The following LRRC9 variants were observed in gnomAD, a reference collection of about 807,000 sequenced individuals.
The protein encoded by LRRC9 is leucine rich repeat containing 9.
A neutral mutation model predicts 63.2 loss-of-function variants in LRRC9; 122 were observed. The ratio of observed to expected loss-of-function variants is 1.93; its 90% confidence interval spans 1.67 to 2.24. LRRC9 has a LOEUF of 2.24. Among genes scored for constraint, LRRC9 ranks in the 30% most tolerant of loss-of-function variants. The pLI, the probability that LRRC9 is intolerant of heterozygous loss-of-function variation, is 0.00. For synonymous variants in LRRC9, 366 were observed against 213.1 expected (o/e 1.72, Z -6.25); for missense variants, 1,071 against 627.7 (o/e 1.71, Z -7.55).
At chr14:59,920,801 GA>G (rs1431364544) in intron 1 of LRRC9, among the ~76,000 whole-genome samples, 1 of 152,202 alleles carries the variant, frequency 6.6e-6, no homozygotes, top group African/African-American at 2.4e-5. Context: ...TCTGGTCATG[GA>G]GAACGATTAT....
intron 12 of LRRC9, among the ~76,000 whole-genome samples, chr14:59,968,916 C>A (rs149592365): frequency 1.3e-5 from 2 of 151,960 alleles, no homozygotes; most frequent in African/African-American, 4.8e-5. Flanking sequence ...GTGGCTAGTC[C>A]AAATTGAGTA....
At chr14:59,980,478 C>A (rs748439565) in intron 15 of LRRC9, among the ~76,000 whole-genome samples, 1 of 152,098 alleles carries the variant, frequency 6.6e-6, no homozygotes, top group Non-Finnish European at 1.5e-5. Flanking sequence ...TATTCTTAAA[C>A]AGTATCTTTT....
chr14:60,006,468 A>G, exon 22 of LRRC9: 1 of 701,980 alleles, frequency 1.4e-6, no homozygotes, highest in African/African-American at 1.7e-5. Flanking sequence ...GGAAGAGCAT[A>G]CCTTTGATAA....
At chr14:59,940,639 A>G (rs1284598305) in intron 7 of LRRC9, among the ~76,000 whole-genome samples, 1 of 152,110 alleles carries the variant, frequency 6.6e-6, no homozygotes, top group Non-Finnish European at 1.5e-5. Flanking sequence ...TGAAAATAGT[A>G]TCTGCTTTTC....
chr14:60,018,557 C>T (rs1890876661), intron 25 of LRRC9, 78 bp downstream of exon 25: 4 of 569,830 alleles, frequency 7.0e-6, no homozygotes, highest in Non-Finnish European at 9.4e-6. Flanking sequence ...AATGGTATTT[C>T]CATGTTATTA....
chr14:60,001,199 T>C (rs1889329214), intron 19 of LRRC9, among the ~76,000 whole-genome samples: 1 of 152,106 alleles, frequency 6.6e-6, no homozygotes, highest in Non-Finnish European at 1.5e-5. Context: ...TGTGTGTGTG[T>C]GTGTGTGTGT....
In LRRC9 at chr14:60,001,762, A is replaced by T. The variant is rs149878521; in HGVS notation, c.2530-204A>T. On this transcript the variant is annotated intron_variant, in intron 19 of 31. Transcript: ENST00000445360. ...TACAGTCTTATAAATATTATCTTGT[A>T]ATGGTTCCACATTTGCTAAAACAAG... 7.1e-3 allele frequency among the ~76,000 whole-genome samples: 1,080 copies of T among 152,312 alleles called. 9 individuals are homozygous for T. Among genetic ancestry groups the T allele is most frequent in the African/African-American group, 0.024 (1,013 of 41,566 alleles).
intron 1 of LRRC9, among the ~76,000 whole-genome samples, chr14:59,920,847 A>C (rs768167185): frequency 2.0e-5 from 3 of 152,200 alleles, no homozygotes; most frequent in Non-Finnish European, 2.9e-5. Flanking sequence ...GTGGCATGAC[A>C]ATTAACCCAT....
At chr14:59,981,044 TA>T (rs1886873676) in intron 15 of LRRC9, among the ~76,000 whole-genome samples, 1 of 152,166 alleles carries the variant, frequency 6.6e-6, no homozygotes, top group Non-Finnish European at 1.5e-5. Flanking sequence ...CCTGATTAGT[TA>T]AATATCGGGT....
At chr14:59,929,110 G>C (rs1054051237) in intron 3 of LRRC9, among the ~76,000 whole-genome samples, 1 of 152,066 alleles carries the variant, frequency 6.6e-6, no homozygotes, top group Non-Finnish European at 1.5e-5. Context: ...CAGAGCAAAA[G>C]AAACTATCAA....
intron 26 of LRRC9, among the ~76,000 whole-genome samples, chr14:60,020,279 T>C (rs1891016761): frequency 6.6e-6 from 1 of 151,894 alleles, no homozygotes; most frequent in Non-Finnish European, 1.5e-5. Flanking sequence ...GTTCCAAGTG[T>C]CAGTAATTTA....
intron 29 of LRRC9, among the ~76,000 whole-genome samples, chr14:60,043,937 GCTTTT>G (rs1295606842): frequency 3.3e-5 from 5 of 151,398 alleles, no homozygotes; most frequent in African/African-American, 1.2e-4. Flanking sequence ...CAGGTACTGG[GCTTTT>G]CTTTTATGGG....
At chr14:60,032,278 T>C (rs1056582061) in intron 29 of LRRC9, among the ~76,000 whole-genome samples, 3 of 152,130 alleles carry the variant, frequency 2.0e-5, no homozygotes, top group African/African-American at 4.8e-5. Flanking sequence ...CAACATTGTA[T>C]TCCTTGGCCT....
At chr14:59,940,983 C>T (rs76397590) in intron 7 of LRRC9, among the ~76,000 whole-genome samples, 1,530 of 151,916 alleles carry the variant, frequency 0.01, 23 homozygotes, top group African/African-American at 0.035. Context: ...GGTCAGCCTA[C>T]AAAGTTGATT....
At chr14:59,941,749 T>C (rs1226134101) in intron 7 of LRRC9, among the ~76,000 whole-genome samples, 2 of 152,200 alleles carry the variant, frequency 1.3e-5, no homozygotes, top group South Asian at 4.1e-4. Flanking sequence ...CAATGTATAA[T>C]GATCAAATAA....
chr14:59,931,356 T>C (rs1054818324), intron 4 of LRRC9, among the ~76,000 whole-genome samples: 39 of 152,108 alleles, frequency 2.6e-4, no homozygotes, highest in Admixed American at 3.9e-4. Context: ...ATTATAAATA[T>C]ACTCTGTGTG....
At chr14:60,061,404 G>A (rs117142758) in intron 31 of LRRC9, among the ~76,000 whole-genome samples, 3,174 of 152,266 alleles carry the variant, frequency 0.021, 59 homozygotes, top group South Asian at 0.05. Flanking sequence ...ATTACAACTC[G>A]CTGAACATTC....
rs186162612 is a variant in LRRC9, at chr14:59,933,382, A to G, written c.543+1343A>G. Among the ~76,000 whole-genome samples the G allele has an allele frequency of 1.4e-3, 209 of 152,298 alleles. 1 individual carries two copies. Among genetic ancestry groups the G allele is most frequent in the African/African-American group, 4.2e-3 (173 of 41,568 alleles). On this transcript the variant is annotated intron_variant, in intron 6 of 31. Coordinates refer to ENST00000445360, the Ensembl canonical transcript of LRRC9. ...GGACATGTAGTAAATCTCAATAAAC[A>G]TTTGTCAAGAACATGAATGAAAGAG...
At chr14:59,926,423 A>G (rs1566776432) in intron 1 of LRRC9, among the ~76,000 whole-genome samples, 1 of 152,208 alleles carries the variant, frequency 6.6e-6, no homozygotes, top group Admixed American at 6.5e-5. Flanking sequence ...TTTAGCATAA[A>G]TGAATAAAAA....
Sources: gnomAD v4.1 joint callset for allele counts (sites outside exome capture counted in the v4.1 genomes callset) on GRCh38, gnomAD v4.1.1 for gene constraint, MANE v1.5 for transcripts, NCBI Gene and HGNC (gene_info 2026-07-23, HGNC 2026-07-21) for gene names.